PCDHA4: variants seen among roughly 807,000 people sequenced by gnomAD.
PCDHA4 encodes the protein protocadherin alpha-4.
In PCDHA4, 49 loss-of-function variants were observed where a neutral mutation model predicts 61.4. The ratio of observed to expected loss-of-function variants is 0.80; its 90% confidence interval spans 0.63 to 1.01. PCDHA4 has a LOEUF of 1.01. Among genes scored for constraint, PCDHA4 ranks in the 50% least tolerant of loss-of-function variants. The pLI, the probability that PCDHA4 is intolerant of heterozygous loss-of-function variation, is 0.00. For synonymous variants in PCDHA4, 590 were observed against 550.3 expected (o/e 1.07, Z -1.01); for missense variants, 1,254 against 1,235.8 (o/e 1.01, Z -0.22).
At chr5:140,837,490 C>A (rs1775075680) in intron 1 of PCDHA4, among the ~76,000 whole-genome samples, 1 of 146,602 alleles carries the variant, frequency 6.8e-6, no homozygotes, top group East Asian at 2.0e-4. Context: ...ATTTACTTTA[C>A]CTTTCTGAAT....
At chr5:140,903,076 C>T (rs1479702171) in intron 1 of PCDHA4, among the ~76,000 whole-genome samples, 1 of 152,122 alleles carries the variant, frequency 6.6e-6, no homozygotes, top group Admixed American at 6.5e-5. Flanking sequence ...GGGTAGATAC[C>T]TGATAGTGGC....
At position 140,868,885 on chromosome 5, in the gene PCDHA4, T is replaced by C. The variant is rs559907492; in HGVS notation, c.2385+59313T>C. 56 of 733,832 alleles carry C rather than the reference T, an allele frequency of 7.6e-5. 1 individual carries two copies. The highest frequency in any genetic ancestry group is 1.1e-4 in the Non-Finnish European group (52 of 469,948). The allele number at this position is 733,832 out of a possible 1,614,324, so 45.5% of individuals were successfully genotyped here. A position where few individuals can be genotyped will look rare whatever the true frequency, so the allele number is the denominator to read the frequency against. On this transcript the variant is annotated intron_variant, in intron 1 of 3. Transcript: ENST00000530339. ...ATGCAGTGCACAGTACTCACAGTTTTAGGCGCAAGGTGTCGCTCTTTACTT... is the reference window on the plus strand; with the variant it reads ...ATGCAGTGCACAGTACTCACAGTTTCAGGCGCAAGGTGTCGCTCTTTACTT...
chr5:140,826,240 A>G (rs1198121014), intron 1 of PCDHA4, among the ~76,000 whole-genome samples: 5 of 152,228 alleles, frequency 3.3e-5, no homozygotes, highest in Admixed American at 2.6e-4. Context: ...AACTATTTAT[A>G]TATCTCTTTA....
chr5:140,851,967 A>G, intron 1 of PCDHA4: 1 of 977,046 alleles, frequency 1.0e-6, no homozygotes, highest in Non-Finnish European at 1.2e-6. Flanking sequence ...GGTTTTCCAC[A>G]CTCTACCTTT....
intron 1 of PCDHA4, chr5:140,810,570 AAGTTGAGTACCTTT>A (rs1764685550): frequency 6.6e-6 from 1 of 152,366 alleles, no homozygotes; most frequent in South Asian, 2.1e-4. Flanking sequence ...TATTTAAATG[AAGTTGAGTACCTTT>A]CTATTTTATT....
At chr5:140,875,391 A>G (rs1582202337) in intron 1 of PCDHA4, 2 of 1,472,582 alleles carry the variant, frequency 1.4e-6, no homozygotes, top group African/African-American at 2.8e-5. Flanking sequence ...ACTTACAGAA[A>G]AGGGTGACTG....
chr5:140,833,759 C>CAG (rs1336906298), intron 1 of PCDHA4, among the ~76,000 whole-genome samples: 1 of 151,910 alleles, frequency 6.6e-6, no homozygotes, highest in Non-Finnish European at 1.5e-5. Context: ...AAAACACACA[C>CAG]ACACACACCG....
Position 140,851,473 on chromosome 5 carries a change from G to T in PCDHA4, c.2385+41901G>T. The stretch of plus-strand genomic sequence containing the variant: ...TAGGAATCAAATTATGTCAATAAAT[G>T]TTATAAACACAGCCTTCATTTCAAC... On this transcript the variant is annotated intron_variant, in intron 1 of 3. Coordinates refer to ENST00000530339, the MANE Select transcript of PCDHA4 (RefSeq NM_018907.4). 6.7e-6 allele frequency: 6 copies of T among 889,518 alleles called. 1 individual carries two copies. The highest frequency in any genetic ancestry group is 8.2e-6 in the Non-Finnish European group (6 of 729,154). 55.1% of individuals were successfully genotyped at this position (889,518 alleles called of 1,614,324 possible).
chr5:140,842,064 A>G lies in PCDHA4; in HGVS notation c.2385+32492A>G, dbSNP rs200994582. 183 of 1,613,874 alleles carry G rather than the reference A, an allele frequency of 1.1e-4. 1 individual carries two copies. The highest frequency in any genetic ancestry group is 6.6e-4 in the Middle Eastern group (4 of 6,062). On this transcript the variant is annotated intron_variant, in intron 1 of 3. Coordinates refer to ENST00000530339, the MANE Select transcript of PCDHA4 (RefSeq NM_018907.4). The stretch of plus-strand genomic sequence containing the variant: ...CCCACTTTCGAACAGTCTGAATACG[A>G]AGTAAGAATATTCGAAAACGCAGAC...
intron 1 of PCDHA4, among the ~76,000 whole-genome samples, chr5:140,938,406 T>C (rs1283027205): frequency 6.6e-6 from 1 of 152,240 alleles, no homozygotes; most frequent in African/African-American, 2.4e-5. Flanking sequence ...ATTGTTTGAT[T>C]GGGTTTATTT....
At chr5:140,872,977 GC>G (rs1326111410) in intron 1 of PCDHA4, among the ~76,000 whole-genome samples, 3 of 152,086 alleles carry the variant, frequency 2.0e-5, no homozygotes, top group African/African-American at 7.2e-5. Context: ...GAAGATTTGA[GC>G]AAAGATCATT....
At chr5:140,809,680 C>A (rs1325474116) in intron 1 of PCDHA4, 108 bp downstream of exon 1, 11 of 1,338,242 alleles carry the variant, frequency 8.2e-6, no homozygotes, top group African/African-American at 1.5e-5. Flanking sequence ...AATTTTACCT[C>A]TTTTTACATA....
intron 1 of PCDHA4, chr5:140,824,318 C>T (rs147635859): frequency 2.7e-6 from 2 of 727,886 alleles, no homozygotes; most frequent in Admixed American, 5.5e-5. Context: ...GATTCATCAG[C>T]TTTCTGTGAT....
intron 1 of PCDHA4, chr5:140,816,133 A>T (rs1765850461): frequency 6.6e-6 from 1 of 152,150 alleles, no homozygotes; most frequent in Non-Finnish European, 1.5e-5. Flanking sequence ...AACTGTCATA[A>T]TGAGTAGAGC....
intron 1 of PCDHA4, chr5:140,966,401 C>G (rs1218132824): frequency 2.5e-6 from 1 of 404,878 alleles, no homozygotes; most frequent in African/African-American, 2.1e-5. Flanking sequence ...CACTTCGGCG[C>G]GGAATCAGAG....
chr5:140,808,898 G>C lies in PCDHA4; in HGVS notation c.1711G>C (p.Gly571Arg). The C allele has an allele frequency of 6.2e-7, 1 of 1,613,480 alleles. No individual in the cohort carries two copies. Among genetic ancestry groups the C allele is most frequent in the African/African-American group, 1.3e-5 (1 of 75,064 alleles). Residue 571 changes from glycine (G) to arginine (R), a missense_variant, in exon 1 of 4, where the codon GGT (glycine) becomes CGT (arginine). Coordinates refer to ENST00000530339, the MANE Select transcript of PCDHA4 (RefSeq NM_018907.4). ...NAPALLAPRA[G>R]GTGGAVSELV... ...GCCAGCACTGCTAGCGCCTCGGGCG[G>C]GTGGCACTGGTGGCGCAGTGAGCGA...
intron 1 of PCDHA4, among the ~76,000 whole-genome samples, chr5:140,952,331 T>G (rs1302386893): frequency 1.8e-5 from 2 of 112,488 alleles, no homozygotes; most frequent in African/African-American, 7.8e-5. Context: ...AGAGTGAAAC[T>G]CCATCTCAAA....
chr5:140,954,225 A>G (rs1554221300), intron 1 of PCDHA4, among the ~76,000 whole-genome samples: 1 of 152,242 alleles, frequency 6.6e-6, no homozygotes, highest in Admixed American at 6.5e-5. Context: ...TGCTATTGTG[A>G]ATAGTGCTGC....
chr5:140,976,545 T>C (rs781810490), intron 1 of PCDHA4, among the ~76,000 whole-genome samples: 1 of 152,078 alleles, frequency 6.6e-6, no homozygotes, highest in Non-Finnish European at 1.5e-5. Flanking sequence ...AGTAAGACCC[T>C]ATCTCATAAA....
Sources: allele counts gnomAD v4.1 joint callset (sites outside exome capture counted in the v4.1 genomes callset), GRCh38; gene constraint gnomAD v4.1.1; transcripts MANE v1.5; gene names NCBI Gene and HGNC (gene_info 2026-07-23, HGNC 2026-07-21).